Variants in GLIS1 observed in about 807,000 individuals in gnomAD.
GLIS1 encodes the protein zinc finger protein GLIS1.
GLIS1 carries 24 observed loss-of-function variants against 63.8 expected under a neutral mutation model. The observed-to-expected ratio is 0.38, with a 90% CI of 0.27 to 0.53. The LOEUF is 0.53. Among genes scored for constraint, GLIS1 ranks in the 20% least tolerant of loss-of-function variants. The pLI is 0.85. For missense variants in GLIS1, 1,036 were observed against 1,074.1 expected, an observed-to-expected ratio of 0.96 and a Z score of 0.50; for synonymous variants, 450 against 482.5, an observed-to-expected ratio of 0.93 and a Z score of 0.88.
chr1:53,698,985 T>C (rs976751135), intron 2 of GLIS1, among the ~76,000 whole-genome samples: 1 of 152,234 alleles, frequency 6.6e-6, no homozygotes, highest in Non-Finnish European at 1.5e-5. Flanking sequence ...TAACAGTGCA[T>C]GCCACACACT....
intron 4 of GLIS1, among the ~76,000 whole-genome samples, chr1:53,551,816 C>G (rs1644762613): frequency 6.6e-6 from 1 of 152,102 alleles, no homozygotes; most frequent in South Asian, 2.1e-4. Context: ...CTGGATGTAC[C>G]CGGTGGTTCC....
intron 4 of GLIS1, among the ~76,000 whole-genome samples, chr1:53,589,971 C>T (rs1645172303): frequency 1.3e-5 from 2 of 152,246 alleles, no homozygotes; most frequent in Admixed American, 1.3e-4. Flanking sequence ...CCTTCCCACC[C>T]TACTGACAGC....
intron 2 of GLIS1, among the ~76,000 whole-genome samples, chr1:53,634,684 G>A (rs947220579): frequency 5.3e-5 from 8 of 152,118 alleles, no homozygotes; most frequent in African/African-American, 1.7e-4. Flanking sequence ...CGGCCCCACC[G>A]CTATTCCAGC....
chr1:53,583,105 T>C (rs1387751187), intron 4 of GLIS1, among the ~76,000 whole-genome samples: 4 of 152,150 alleles, frequency 2.6e-5, no homozygotes, highest in Non-Finnish European at 4.4e-5. Flanking sequence ...TTAAATGTGG[T>C]AGGCAACTAG....
chr1:53,594,417 C>T lies in GLIS1; in HGVS notation c.1011G>A (p.Gln337=), dbSNP rs758279382. ...ACAGGGGATAGGGGGGCGGCAGGCC[C>T]TGCTGGTGAGGCCCAAAGAGCTCTG... ...EFSELFGPHQ[Q]GLPPPYPLSQ... The change falls in exon 4 of 11, where the codon CAG becomes CAA. Residue 337 remains glutamine, a synonymous_variant. Transcript: ENST00000628545. 1.9e-6 allele frequency: 3 copies of T among 1,612,570 alleles called. No individual in the cohort carries two copies. In the East Asian group the frequency reaches 6.7e-5, roughly 36 times the overall value.
chr1:53,690,669 T>C (rs1487515845), intron 2 of GLIS1, among the ~76,000 whole-genome samples: 1 of 152,168 alleles, frequency 6.6e-6, no homozygotes, highest in African/African-American at 2.4e-5. Flanking sequence ...GATTAACCCC[T>C]GTTTTCGGCT....
In GLIS1 at chr1:53,506,486, T is replaced by C. The variant is rs1644232635; in HGVS notation, c.*133A>G. The C allele has an allele frequency of 3.2e-6, 3 of 946,518 alleles. No homozygotes were observed. Among genetic ancestry groups the C allele is most frequent in the Non-Finnish European group, 4.7e-6 (3 of 636,080 alleles). The allele number at this position is 946,518 out of a possible 1,614,324, so 58.6% of individuals were successfully genotyped here. On this transcript the variant is annotated 3_prime_UTR_variant, in exon 11 of 11. Coordinates refer to ENST00000628545, the MANE Select transcript of GLIS1 (RefSeq NM_001367484.1). ...CGCTGGGTGGGGTGGCAGCGCTGGC[T>C]CCCCTGGGTCATGGCCTGGCTGTTC...
chr1:53,553,267 T>C (rs1206878153), intron 4 of GLIS1, among the ~76,000 whole-genome samples: 2 of 151,932 alleles, frequency 1.3e-5, no homozygotes, highest in Non-Finnish European at 2.9e-5. Flanking sequence ...AGGAATCCAC[T>C]CCATGGTGCC....
intron 2 of GLIS1, 83 bp from the exon 3 acceptor site, chr1:53,600,361 GGT>G: frequency 3.6e-6 from 3 of 822,752 alleles, no homozygotes; most frequent in Non-Finnish European, 4.9e-6. Flanking sequence ...CAGTCCCTGG[GGT>G]ACAGCAAGGG....
chr1:53,662,020 A>G (rs1192137988), intron 2 of GLIS1, among the ~76,000 whole-genome samples: 1 of 152,148 alleles, frequency 6.6e-6, no homozygotes, highest in Non-Finnish European at 1.5e-5. Context: ...GGAGGGAGTG[A>G]GCTTCCTATC....
intron 2 of GLIS1, among the ~76,000 whole-genome samples, chr1:53,705,317 C>A (rs1020510562): frequency 1.3e-5 from 2 of 152,338 alleles, no homozygotes; most frequent in African/African-American, 4.8e-5. Context: ...CCAAAGGCAG[C>A]GTCCCCATCC....
rs146922048 is a variant in GLIS1, at chr1:53,579,359, C to T, written c.1320+14749G>A. ...CAACAACCTTCAGCATTCTCACGACCGTGCCAGGGGACATGAGGCCTTGCC... is the reference window on the plus strand; with the variant it reads ...CAACAACCTTCAGCATTCTCACGACTGTGCCAGGGGACATGAGGCCTTGCC... On this transcript the variant is annotated intron_variant, in intron 4 of 10. Transcript: ENST00000628545. Among the ~76,000 whole-genome samples, 49 of 152,324 alleles carry T rather than the reference C, an allele frequency of 3.2e-4. No individual in the cohort carries two copies. The South Asian group carries it at 4.8e-3, about 15-fold the overall frequency.
intron 2 of GLIS1, among the ~76,000 whole-genome samples, chr1:53,664,650 A>G (rs1364795838): frequency 6.6e-6 from 1 of 152,230 alleles, no homozygotes. Context: ...CTGACACTTT[A>G]GTAACATAAA....
chr1:53,615,850 C>G (rs1392292892), intron 2 of GLIS1, among the ~76,000 whole-genome samples: 28 of 152,126 alleles, frequency 1.8e-4, no homozygotes, highest in Non-Finnish European at 1.0e-4. Context: ...TGGATTCAAG[C>G]AATAACTCAT....
intron 6 of GLIS1, among the ~76,000 whole-genome samples, chr1:53,522,241 T>TG (rs1644417770): frequency 1.3e-5 from 2 of 152,372 alleles, no homozygotes; most frequent in South Asian, 4.1e-4. Flanking sequence ...GCCAAGGACT[T>TG]GTCATAATAC....
At chr1:53,662,874 C>G (rs772912385) in intron 2 of GLIS1, among the ~76,000 whole-genome samples, 3 of 152,194 alleles carry the variant, frequency 2.0e-5, no homozygotes, top group African/African-American at 4.8e-5. Context: ...GAGACCATCT[C>G]CCCGGCGCTA....
intron 6 of GLIS1, among the ~76,000 whole-genome samples, chr1:53,523,255 C>A (rs2100303163): frequency 6.6e-6 from 1 of 152,218 alleles, no homozygotes; most frequent in South Asian, 2.1e-4. Context: ...CAGGATTTGA[C>A]CACGTCCCTC....
At chr1:53,686,913 C>T (rs896423896) in intron 2 of GLIS1, among the ~76,000 whole-genome samples, 8 of 152,294 alleles carry the variant, frequency 5.3e-5, no homozygotes, top group Non-Finnish European at 1.2e-4. Flanking sequence ...GCAGGATCAC[C>T]GTGTCCATCA....
At chr1:53,609,118 A>G (rs1645400056) in intron 2 of GLIS1, among the ~76,000 whole-genome samples, 2 of 152,190 alleles carry the variant, frequency 1.3e-5, no homozygotes, top group Admixed American at 1.3e-4. Context: ...GATTTTTATT[A>G]CTTAAACCAA....
Sources: gnomAD v4.1 joint callset for allele counts (sites outside exome capture counted in the v4.1 genomes callset) on GRCh38, gnomAD v4.1.1 for gene constraint, MANE v1.5 for transcripts, NCBI Gene and HGNC (gene_info 2026-07-23, HGNC 2026-07-21) for gene names.